The following MCTP2 variants were observed in gnomAD, a reference collection of about 807,000 sequenced individuals.
MCTP2 encodes the protein multiple C2 and transmembrane domain-containing protein 2.
A neutral mutation model predicts 111.6 loss-of-function variants in MCTP2; 132 were observed. The observed-to-expected ratio is 1.18, with a 90% confidence interval of 1.03 to 1.37. MCTP2 has a LOEUF of 1.37. Ranked by LOEUF, MCTP2 falls within the 40% of genes most tolerant of loss-of-function variation. The probability of loss-of-function intolerance (pLI) is 0.00; values close to 1 mark genes in which losing one functional copy is unlikely to be tolerated. For synonymous variants in MCTP2, 395 were observed against 387.7 expected (o/e 1.02, Z -0.22); for missense variants, 1,183 against 1,067.9 (o/e 1.11, Z -1.50).
chr15:94,257,644 C>T (rs545448683), intron 1 of MCTP2, among the ~76,000 whole-genome samples: 9 of 127,548 alleles, frequency 7.1e-5, no homozygotes, highest in East Asian at 2.6e-4. Flanking sequence ...TGGAGTGCAG[C>T]GGCATGATCT....
chr15:94,399,879 C>T (rs1296464633), intron 15 of MCTP2, 42 bp from the exon 16 acceptor site: 3 of 1,543,866 alleles, frequency 1.9e-6, no homozygotes, highest in Non-Finnish European at 2.7e-6. Flanking sequence ...GGATGAAGTC[C>T]CTATACATGC....
At chr15:94,297,480 C>G (rs541929864) in intron 1 of MCTP2, among the ~76,000 whole-genome samples, 55 of 152,194 alleles carry the variant, frequency 3.6e-4, no homozygotes, top group African/African-American at 1.3e-3. Context: ...ATGTGTTTTG[C>G]TCTAATCACC....
intron 1 of MCTP2, among the ~76,000 whole-genome samples, chr15:94,247,660 A>T (rs916702969): frequency 6.6e-6 from 1 of 152,204 alleles, no homozygotes; most frequent in Non-Finnish European, 1.5e-5. Context: ...ACCTTCAATC[A>T]GTAAGACTGA....
At chr15:94,359,485 G>A (rs1256455498) in intron 10 of MCTP2, among the ~76,000 whole-genome samples, 1 of 152,162 alleles carries the variant, frequency 6.6e-6, no homozygotes, top group Non-Finnish European at 1.5e-5. Flanking sequence ...ACTACGGGGT[G>A]TCTTTTCCGA....
At chr15:94,477,441 C>A (rs937481895) in intron 22 of MCTP2, among the ~76,000 whole-genome samples, 1 of 152,170 alleles carries the variant, frequency 6.6e-6, no homozygotes, top group African/African-American at 2.4e-5. Context: ...ACTAGAAAGT[C>A]GTGTAGAGTA....
chr15:94,242,956 TACAC>T (rs2071105905), intron 1 of MCTP2, among the ~76,000 whole-genome samples: 1 of 128,940 alleles, frequency 7.8e-6, no homozygotes, highest in Non-Finnish European at 1.7e-5. Flanking sequence ...GATACACATA[TACAC>T]GTGTATATGT....
chr15:94,345,924 G>C (rs892107103), intron 8 of MCTP2, among the ~76,000 whole-genome samples: 1 of 152,022 alleles, frequency 6.6e-6, no homozygotes, highest in Admixed American at 6.6e-5. Flanking sequence ...CTGAATTGTG[G>C]TGGTGGTGGT....
chr15:94,246,964 C>A (rs547942071), intron 1 of MCTP2, among the ~76,000 whole-genome samples: 8 of 152,208 alleles, frequency 5.3e-5, no homozygotes, highest in African/African-American at 1.4e-4. Flanking sequence ...ATAGTAACTC[C>A]TTTGAGTATT....
At chr15:94,428,645 T>G (rs1168491018) in intron 17 of MCTP2, among the ~76,000 whole-genome samples, 1 of 152,182 alleles carries the variant, frequency 6.6e-6, no homozygotes, top group African/African-American at 2.4e-5. Context: ...ACCTTCTCAT[T>G]TCTACCTTCC....
chr15:94,445,343 G>C (rs2084053335), intron 19 of MCTP2, among the ~76,000 whole-genome samples: 1 of 152,106 alleles, frequency 6.6e-6, no homozygotes, highest in Non-Finnish European at 1.5e-5. Flanking sequence ...TGGTGGTTTT[G>C]CTTTCCCAAT....
chr15:94,382,951 T>C (rs538281219), intron 12 of MCTP2, among the ~76,000 whole-genome samples: 1 of 152,358 alleles, frequency 6.6e-6, no homozygotes, highest in African/African-American at 2.4e-5. Flanking sequence ...GGTAACACTG[T>C]AGGTCTAACT....
At chr15:94,448,785 T>C (rs1264044906) in intron 19 of MCTP2, among the ~76,000 whole-genome samples, 1 of 152,174 alleles carries the variant, frequency 6.6e-6, no homozygotes, top group Non-Finnish European at 1.5e-5. Flanking sequence ...CCACAAGTGA[T>C]TGGTTTTCTG....
chr15:94,402,181 T>C (rs1672131356), intron 17 of MCTP2, 162 bp downstream of exon 17: 1 of 865,246 alleles, frequency 1.2e-6, no homozygotes, highest in Non-Finnish European at 1.4e-6. Flanking sequence ...CAAATCTTAG[T>C]CATATATGGT....
At chr15:94,346,493 A>G (rs2077987912) in intron 8 of MCTP2, among the ~76,000 whole-genome samples, 2 of 151,990 alleles carry the variant, frequency 1.3e-5, no homozygotes, top group Admixed American at 6.6e-5. Context: ...CCCAGCTCTC[A>G]CTCTCCCATA....
At chr15:94,403,103 G>T (rs541986783) in intron 17 of MCTP2, 151 of 986,440 alleles carry the variant, frequency 1.5e-4, no homozygotes, top group African/African-American at 1.3e-3. Context: ...TTGCCATTGG[G>T]GGGTATTTTG....
chr15:94,468,893 G>T (rs2073659345), intron 20 of MCTP2, among the ~76,000 whole-genome samples: 1 of 152,152 alleles, frequency 6.6e-6, no homozygotes, highest in African/African-American at 2.4e-5. Context: ...CTCCCAAAGT[G>T]CTAGGATTAC....
intron 1 of MCTP2, among the ~76,000 whole-genome samples, chr15:94,276,983 AG>A (rs1190873690): frequency 6.6e-6 from 1 of 151,910 alleles, no homozygotes; most frequent in Non-Finnish European, 1.5e-5. Flanking sequence ...GACTTGAAAA[AG>A]ATGACACAAA....
At chr15:94,372,514 G>A (rs2079542039) in intron 12 of MCTP2, among the ~76,000 whole-genome samples, 1 of 152,180 alleles carries the variant, frequency 6.6e-6, no homozygotes, top group Non-Finnish European at 1.5e-5. Flanking sequence ...TAAGAGGTCA[G>A]CGATCGTGGC....
chr15:94,250,047 AT>A (rs571293363), intron 1 of MCTP2, among the ~76,000 whole-genome samples: 14 of 150,178 alleles, frequency 9.3e-5, no homozygotes, highest in African/African-American at 1.7e-4. Context: ...TGATTTTTTC[AT>A]TTTTTTTTTC....
Sources: allele counts gnomAD v4.1 joint callset (sites outside exome capture counted in the v4.1 genomes callset), GRCh38; gene constraint gnomAD v4.1.1; transcripts MANE v1.5; gene names NCBI Gene and HGNC (gene_info 2026-07-23, HGNC 2026-07-21).